The following CNTN3 variants were observed in gnomAD, a reference collection of about 807,000 sequenced individuals.
CNTN3 encodes the protein contactin-3.
A neutral mutation model predicts 119.1 loss-of-function variants in CNTN3; 60 were observed. The ratio of observed to expected loss-of-function variants is 0.50; its 90% CI spans 0.41 to 0.62. The LOEUF (loss-of-function observed/expected upper bound fraction) is 0.62, where lower values mean the gene tolerates loss of function less well. Ranked by LOEUF, CNTN3 falls within the 20% of genes least tolerant of loss-of-function variation. The probability of loss-of-function intolerance (pLI) is 0.00; values close to 1 mark genes in which losing one functional copy is unlikely to be tolerated. For synonymous variants in CNTN3, 450 were observed against 438.7 expected (o/e 1.03, Z -0.32); for missense variants, 1,101 against 1,242.4 (o/e 0.89, Z 1.71).
At chr3:74,391,761 G>A (rs1436275395) in intron 5 of CNTN3, among the ~76,000 whole-genome samples, 2 of 151,928 alleles carry the variant, frequency 1.3e-5, no homozygotes, top group Non-Finnish European at 2.9e-5. Context: ...GGGCTCAAGC[G>A]ATTCTCCTGC....
chr3:74,270,804 C>G (rs554025383), intron 20 of CNTN3, among the ~76,000 whole-genome samples: 1 of 152,054 alleles, frequency 6.6e-6, no homozygotes, highest in Admixed American at 6.6e-5. Context: ...TTTTGGAAAT[C>G]GTTTGTCAAC....
intron 13 of CNTN3, among the ~76,000 whole-genome samples, chr3:74,324,237 A>T (rs1703076409): frequency 6.7e-6 from 1 of 149,984 alleles, no homozygotes; most frequent in Admixed American, 6.6e-5. Flanking sequence ...TTTGAGACAG[A>T]GTTTTGCTCT....
chr3:74,352,327 T>G (rs1703834205), intron 11 of CNTN3, among the ~76,000 whole-genome samples: 1 of 152,166 alleles, frequency 6.6e-6, no homozygotes, highest in South Asian at 2.1e-4. Flanking sequence ...CAGCATTTCT[T>G]CTCTCTGCTT....
At chr3:74,610,089 G>A (rs1042110836) in intron 1 of CNTN3, among the ~76,000 whole-genome samples, 6 of 152,054 alleles carry the variant, frequency 3.9e-5, no homozygotes, top group Admixed American at 1.3e-4. Context: ...TTGGGAGGTC[G>A]AGGTGGGCAG....
At chr3:74,401,548 A>G (rs1705195234) in intron 5 of CNTN3, among the ~76,000 whole-genome samples, 1 of 152,058 alleles carries the variant, frequency 6.6e-6, no homozygotes, top group Non-Finnish European at 1.5e-5. Flanking sequence ...GTCTGAAACA[A>G]GCTGATTTAA....
intron 4 of CNTN3, among the ~76,000 whole-genome samples, chr3:74,460,064 TTGAGAATATATG>T (rs760619468): frequency 6.1e-4 from 93 of 152,186 alleles, no homozygotes; most frequent in Non-Finnish European, 8.8e-4. Context: ...AAAAAATTAG[TTGAGAATATATG>T]TGTGGGTCTA....
At chr3:74,385,296 A>G (rs1050902438) in intron 5 of CNTN3, among the ~76,000 whole-genome samples, 1 of 152,192 alleles carries the variant, frequency 6.6e-6, no homozygotes, top group Non-Finnish European at 1.5e-5. Context: ...TAGTAGACAG[A>G]ACATAGAACA....
chr3:74,472,827 T>C (rs1486109003), intron 4 of CNTN3, among the ~76,000 whole-genome samples: 2 of 152,176 alleles, frequency 1.3e-5, no homozygotes, highest in African/African-American at 4.8e-5. Context: ...AAGATGAAAT[T>C]TGCATTTTTA....
In CNTN3 at chr3:74,285,835, AT is replaced by A. The variant is rs1702105895; in HGVS notation, c.2518-345del. Reference sequence around the variant, plus strand: ...TATATATATATATATATATATATATATATAAAATTAAAAATAGGAACAAAGT... The same window carrying A: ...TATATATATATATATATATATATATAATAAAATTAAAAATAGGAACAAAGT... On this transcript the variant is annotated intron_variant, in intron 19 of 22. Transcript: ENST00000263665. Among the ~76,000 whole-genome samples the A allele has an allele frequency of 6.7e-4, 89 of 133,366 alleles. 1 individual carries two copies. The highest frequency in any genetic ancestry group is 2.2e-3 in the African/African-American group (77 of 34,536). The allele number at this position is 133,366 out of a possible 152,430, so 87.5% of individuals were successfully genotyped here. A position where few individuals can be genotyped will look rare whatever the true frequency, so the allele number is the denominator to read the frequency against.
At chr3:74,361,827 T>C (rs1056369401) in intron 11 of CNTN3, 63 bp downstream of exon 11, 5 of 1,485,808 alleles carry the variant, frequency 3.4e-6, no homozygotes, top group African/African-American at 2.8e-5. Context: ...TTAAAACCTA[T>C]GTTGACATCA....
At chr3:74,311,241 T>C (rs1702678323) in intron 13 of CNTN3, among the ~76,000 whole-genome samples, 2 of 152,146 alleles carry the variant, frequency 1.3e-5, no homozygotes, top group Non-Finnish European at 2.9e-5. Flanking sequence ...CACAGACCTA[T>C]GTAGTCTGGC....
intron 1 of CNTN3, among the ~76,000 whole-genome samples, chr3:74,575,358 T>C (rs954910275): frequency 6.6e-6 from 1 of 151,966 alleles, no homozygotes; most frequent in Non-Finnish European, 1.5e-5. Flanking sequence ...TTCAAGCGAT[T>C]CTCCTGCCTC....
chr3:74,477,325 T>C (rs1242306980), intron 4 of CNTN3, among the ~76,000 whole-genome samples: 1 of 152,146 alleles, frequency 6.6e-6, no homozygotes, highest in South Asian at 2.1e-4. Context: ...CAATACACTT[T>C]ACTAAAAAAT....
intron 1 of CNTN3, among the ~76,000 whole-genome samples, chr3:74,565,336 C>T (rs1054323439): frequency 1.3e-5 from 2 of 152,142 alleles, no homozygotes; most frequent in Non-Finnish European, 2.9e-5. Flanking sequence ...GTGGCCCCTT[C>T]CTCCATTCTC....
At chr3:74,606,978 C>T (rs1011031279) in intron 1 of CNTN3, among the ~76,000 whole-genome samples, 1 of 152,068 alleles carries the variant, frequency 6.6e-6, no homozygotes, top group South Asian at 2.1e-4. Context: ...TTTATGTACT[C>T]CAATGAATAA....
chr3:74,383,827 C>T (rs1405941007), intron 5 of CNTN3, among the ~76,000 whole-genome samples: 1 of 152,150 alleles, frequency 6.6e-6, no homozygotes, highest in African/African-American at 2.4e-5. Flanking sequence ...CTGATTCTTG[C>T]TCTAATATAA....
At chr3:74,507,792 CG>C (rs1272072822) in intron 2 of CNTN3, among the ~76,000 whole-genome samples, 2 of 151,920 alleles carry the variant, frequency 1.3e-5, no homozygotes, top group Admixed American at 6.6e-5. Context: ...CTGCCACACC[CG>C]GCTAACTTTC....
rs1702314752 is a variant in CNTN3 at position 74,295,222 on chromosome 3, G to A, written c.2416C>T (p.Pro806Ser). The A allele has an allele frequency of 1.2e-6, 2 of 1,604,134 alleles. No homozygotes were observed. The highest frequency in any genetic ancestry group is 8.5e-7 in the Non-Finnish European group (1 of 1,171,350). ...AGGCTATTTGCAGAGACTTGAGATG[G>A]GGCCACTGTAGGCTCTGTTCGGAAA... ...FSAEEEPTVA[P>S]SQVSANSLSS... The change falls in exon 19 of 23, where the codon CCA (proline) becomes TCA (serine). Residue 806 changes from proline (P) to serine (S), a missense_variant. Coordinates refer to ENST00000263665, the MANE Select transcript of CNTN3 (RefSeq NM_020872.3).
intron 2 of CNTN3, among the ~76,000 whole-genome samples, chr3:74,502,017 T>C (rs1427187747): frequency 2.0e-5 from 3 of 152,286 alleles, no homozygotes; most frequent in South Asian, 4.1e-4. Context: ...ATATTTGTGA[T>C]GTCTTTTTAC....
Sources: allele counts gnomAD v4.1 joint callset (sites outside exome capture counted in the v4.1 genomes callset), GRCh38; gene constraint gnomAD v4.1.1; transcripts MANE v1.5; gene names NCBI Gene and HGNC (gene_info 2026-07-23, HGNC 2026-07-21).